PTPRD: variants seen among roughly 807,000 people sequenced by gnomAD.
PTPRD encodes the protein protein tyrosine phosphatase receptor type D.
In PTPRD, 34 loss-of-function variants were observed where a neutral mutation model predicts 214.5. That is an observed-to-expected ratio of 0.16 (90% confidence interval 0.12 to 0.21). PTPRD has a LOEUF of 0.21. PTPRD is among the 10% of genes least tolerant of loss of function. The pLI, the probability that PTPRD is intolerant of heterozygous loss-of-function variation, is 1.00. For synonymous variants in PTPRD, 1,128 were observed against 845.7 expected (o/e 1.33, Z -5.79); for missense variants, 2,545 against 2,398.7 (o/e 1.06, Z -1.27).
intron 3 of PTPRD, among the ~76,000 whole-genome samples, chr9:10,131,297 A>G (rs183077446): frequency 6.6e-6 from 1 of 152,284 alleles, no homozygotes; most frequent in African/African-American, 2.4e-5. Context: ...ACTAGATACC[A>G]TAGTGTAACT....
chr9:10,277,957 G>C (rs1289029595), intron 3 of PTPRD, among the ~76,000 whole-genome samples: 3 of 152,086 alleles, frequency 2.0e-5, no homozygotes, highest in Non-Finnish European at 2.9e-5. Flanking sequence ...GGGAGATCGA[G>C]ACCATCGTGG....
chr9:10,537,485 A>G (rs891926782), intron 2 of PTPRD, among the ~76,000 whole-genome samples: 1 of 152,168 alleles, frequency 6.6e-6, no homozygotes, highest in Admixed American at 6.6e-5. Flanking sequence ...AAAATTGGGC[A>G]TTAACATAAA....
At chr9:10,372,504 C>T in intron 2 of PTPRD, among the ~76,000 whole-genome samples, 1 of 152,128 alleles carries the variant, frequency 6.6e-6, no homozygotes, top group South Asian at 2.1e-4. Flanking sequence ...TTCCTGTTTG[C>T]CTTGAATTCT....
chr9:8,732,176 T>C (rs1056335569), intron 12 of PTPRD, among the ~76,000 whole-genome samples: 1 of 152,230 alleles, frequency 6.6e-6, no homozygotes, highest in Non-Finnish European at 1.5e-5. Context: ...AAAGTCTTCC[T>C]TTCTAAACTC....
At chr9:8,363,678 C>T (rs770524014) in intron 39 of PTPRD, among the ~76,000 whole-genome samples, 1 of 152,156 alleles carries the variant, frequency 6.6e-6, no homozygotes, top group African/African-American at 2.4e-5. Flanking sequence ...AATTAATAAG[C>T]CTTTGCAGGC....
At chr9:10,610,136 CTG>C (rs1392018961) in intron 2 of PTPRD, among the ~76,000 whole-genome samples, 1 of 152,102 alleles carries the variant, frequency 6.6e-6, no homozygotes, top group Admixed American at 6.5e-5. Flanking sequence ...GCAACTACCT[CTG>C]TACAGGACAG....
intron 33 of PTPRD, among the ~76,000 whole-genome samples, chr9:8,451,131 A>G (rs2095928746): frequency 6.6e-6 from 1 of 152,184 alleles, no homozygotes; most frequent in Non-Finnish European, 1.5e-5. Flanking sequence ...AATAAAACTA[A>G]CCAGGGGGTG....
At chr9:9,868,490 G>A (rs1466534722) in intron 5 of PTPRD, among the ~76,000 whole-genome samples, 2 of 152,006 alleles carry the variant, frequency 1.3e-5, no homozygotes, top group South Asian at 4.1e-4. Context: ...TTGTAGTCAA[G>A]AGAGAAAGAT....
intron 12 of PTPRD, among the ~76,000 whole-genome samples, chr9:8,720,068 G>C (rs2098475878): frequency 6.6e-6 from 1 of 152,182 alleles, no homozygotes; most frequent in African/African-American, 2.4e-5. Flanking sequence ...CTTTGCACAT[G>C]ATTCTTCCCT....
intron 8 of PTPRD, among the ~76,000 whole-genome samples, chr9:9,568,925 T>C (rs2085453462): frequency 6.6e-6 from 1 of 151,808 alleles, no homozygotes; most frequent in Admixed American, 6.6e-5. Flanking sequence ...GCTTAGTACA[T>C]ACAGATGCTT....
At chr9:8,929,797 G>GTA (rs2098935102) in intron 11 of PTPRD, among the ~76,000 whole-genome samples, 1 of 93,886 alleles carries the variant, frequency 1.1e-5, no homozygotes, top group Non-Finnish European at 2.0e-5. Context: ...ATATATGTGT[G>GTA]TGTATATATG....
chr9:9,053,747 T>C (rs991865426), intron 10 of PTPRD, among the ~76,000 whole-genome samples: 5 of 152,110 alleles, frequency 3.3e-5, no homozygotes, highest in African/African-American at 1.2e-4. Flanking sequence ...TTAGCCTGGG[T>C]TGTAGTGTGA....
At chr9:9,873,997 C>A (rs1282888997) in intron 5 of PTPRD, among the ~76,000 whole-genome samples, 1 of 152,208 alleles carries the variant, frequency 6.6e-6, no homozygotes, top group East Asian at 1.9e-4. Flanking sequence ...AGACCAATTT[C>A]TTCTTAAAGC....
chr9:8,804,572 C>T (rs1223078388), intron 11 of PTPRD, among the ~76,000 whole-genome samples: 6 of 151,988 alleles, frequency 3.9e-5, no homozygotes, highest in African/African-American at 1.5e-4. Flanking sequence ...ACTGCAGTCC[C>T]GTGTGACAGA....
intron 2 of PTPRD, among the ~76,000 whole-genome samples, chr9:10,605,854 T>C (rs968646401): frequency 1.3e-5 from 2 of 151,732 alleles, no homozygotes; most frequent in Non-Finnish European, 2.9e-5. Flanking sequence ...CAATACATAT[T>C]TGGGACTAGA....
chr9:10,382,669 T>A (rs1030624344), intron 2 of PTPRD, among the ~76,000 whole-genome samples: 3 of 151,636 alleles, frequency 2.0e-5, no homozygotes, highest in South Asian at 4.2e-4. Context: ...CAGGATGAGG[T>A]TTCATATTAA....
intron 11 of PTPRD, among the ~76,000 whole-genome samples, chr9:8,766,584 C>T (rs1462238897): frequency 6.6e-6 from 1 of 152,146 alleles, no homozygotes; most frequent in Non-Finnish European, 1.5e-5. Flanking sequence ...AGCACAAAAG[C>T]ACTCACCTAT....
intron 12 of PTPRD, among the ~76,000 whole-genome samples, chr9:8,727,185 A>G (rs2098593495): frequency 6.6e-6 from 1 of 152,218 alleles, no homozygotes; most frequent in African/African-American, 2.4e-5. Flanking sequence ...CTATTCCCAA[A>G]TAGAGATAAC....
chr9:8,979,996 TGTG>T (rs1488190715), intron 11 of PTPRD, among the ~76,000 whole-genome samples: 4 of 152,028 alleles, frequency 2.6e-5, no homozygotes, highest in African/African-American at 9.6e-5. Flanking sequence ...ATACAGAAAA[TGTG>T]GTGTGTGTAC....
Sources: allele counts gnomAD v4.1 joint callset (sites outside exome capture counted in the v4.1 genomes callset), GRCh38; gene constraint gnomAD v4.1.1; transcripts MANE v1.5; gene names NCBI Gene and HGNC (gene_info 2026-07-23, HGNC 2026-07-21).